KDM3A: variants seen among roughly 807,000 people sequenced by gnomAD.
The protein encoded by KDM3A is lysine-specific demethylase 3A.
A neutral mutation model predicts 158.0 loss-of-function variants in KDM3A; 60 were observed. The observed-to-expected ratio is 0.38, with a 90% CI of 0.31 to 0.47. The LOEUF is 0.47. KDM3A is among the 20% of genes least tolerant of loss of function. KDM3A has a pLI of 0.99. For synonymous variants in KDM3A, 608 were observed against 549.3 expected, an observed-to-expected ratio of 1.11 and a Z score of -1.49; for missense variants, 1,319 against 1,574.3, an observed-to-expected ratio of 0.84 and a Z score of 2.74.
At chr2:86,445,162 C>T (rs1682904365) in intron 2 of KDM3A, among the ~76,000 whole-genome samples, 1 of 152,090 alleles carries the variant, frequency 6.6e-6, no homozygotes, top group South Asian at 2.1e-4. Context: ...TTGCTAGCCT[C>T]TATATCCCTA....
At position 86,478,275 on chromosome 2, in the gene KDM3A, G is replaced by A. The variant is rs765448709; in HGVS notation, c.2188+10G>A. The A allele has an allele frequency of 8.8e-6, 14 of 1,582,224 alleles. No homozygotes were observed. In the East Asian group the frequency reaches 2.9e-4, roughly 33 times the overall value. ...ATCATTCCTGGAAAAGGTATTTCAT[G>A]TGCTGCAGTGATTTTCTTTCCCCTT... On this transcript the variant is annotated intron_variant, in intron 14 of 25. Transcript: ENST00000312912.
At position 86,466,487 on chromosome 2, in the gene KDM3A, A is replaced by G. The variant is rs1184639298; in HGVS notation, c.1123A>G (p.Ile375Val). 1.1e-5 allele frequency: 18 copies of G among 1,613,856 alleles called. No individual in the cohort carries two copies. Among genetic ancestry groups the G allele is most frequent in the Non-Finnish European group, 1.4e-5 (17 of 1,179,866 alleles). ...KAGLLSKSSQ[I>V]GTGDLKILTE... ...AGGGTTGCTCTCAAAGTCCTCTCAGATTGGAACTGGAGACTTGAAAATTCT... is the reference window on the plus strand; with the variant it reads ...AGGGTTGCTCTCAAAGTCCTCTCAGGTTGGAACTGGAGACTTGAAAATTCT... The change falls in exon 10 of 26, where the codon ATT (isoleucine) becomes GTT (valine). Residue 375 changes from isoleucine to valine, a missense_variant. This residue lies in a region of KDM3A where 652 missense variants were observed against 627.2 expected (regional missense o/e 1.04). Transcript: ENST00000312912.
Position 86,481,910 on chromosome 2 carries a change from A to G in KDM3A, c.2513-20A>G, listed in dbSNP as rs1292735649. 1.5e-5 allele frequency: 24 copies of G among 1,587,238 alleles called. No individual in the cohort carries two copies. In the Admixed American group the frequency reaches 4.1e-4, roughly 27 times the overall value. The stretch of plus-strand genomic sequence containing the variant: ...CCTTTCAGAATGTTTTTTCATCTGG[A>G]TGTTTTGGTTTTATTTTAGAAAAAC... On this transcript the variant is annotated intron_variant, in intron 16 of 25. Coordinates refer to ENST00000312912, the MANE Select transcript of KDM3A (RefSeq NM_018433.6).
chr2:86,489,910 T>A (rs560092037), intron 23 of KDM3A: 1 of 357,678 alleles, frequency 2.8e-6, no homozygotes, highest in Non-Finnish European at 5.0e-6. Context: ...ATTTAGAGAT[T>A]TTTGTTCTCT....
At chr2:86,448,067 C>A (rs1447843843) in intron 2 of KDM3A, among the ~76,000 whole-genome samples, 2 of 152,190 alleles carry the variant, frequency 1.3e-5, no homozygotes, top group East Asian at 3.9e-4. Flanking sequence ...AACATATAAC[C>A]AGGGAGAAAC....
At chr2:86,467,740 G>T (rs529763610) in intron 10 of KDM3A, among the ~76,000 whole-genome samples, 3 of 152,282 alleles carry the variant, frequency 2.0e-5, no homozygotes, top group African/African-American at 7.2e-5. Context: ...AATGTTTTAG[G>T]CTGGGCATAG....
At chr2:86,473,471 A>G (rs1673506261) in intron 11 of KDM3A, among the ~76,000 whole-genome samples, 2 of 151,844 alleles carry the variant, frequency 1.3e-5, no homozygotes, top group Admixed American at 6.6e-5. Flanking sequence ...TAGGCTGGGT[A>G]TGGTGGTTCA....
At chr2:86,440,798 A>G (rs994485263), upstream of KDM3A, 5 of 152,266 alleles carry the variant, frequency 3.3e-5, no homozygotes, top group African/African-American at 4.8e-5. Context: ...GAGCCTCCAG[A>G]GCACTATCGC....
intron 2 of KDM3A, among the ~76,000 whole-genome samples, chr2:86,446,194 C>G (rs1332797248): frequency 6.6e-6 from 1 of 152,228 alleles, no homozygotes. Context: ...TAATAAGGTA[C>G]ACATTTGCAA....
chr2:86,457,296 G>A (rs1444321860), intron 8 of KDM3A, among the ~76,000 whole-genome samples: 3 of 151,968 alleles, frequency 2.0e-5, no homozygotes, highest in Non-Finnish European at 4.4e-5. Context: ...CATGACACCT[G>A]GCTAATTTTT....
intron 2 of KDM3A, among the ~76,000 whole-genome samples, 196 bp from the exon 3 acceptor site, chr2:86,449,611 T>C (rs897568143): frequency 6.6e-6 from 1 of 152,130 alleles, no homozygotes; most frequent in African/African-American, 2.4e-5. Context: ...CGAAGTGAGT[T>C]GGGAGCCAAA....
intron 19 of KDM3A, 63 bp downstream of exon 19, chr2:86,484,221 G>C (rs1674075246): frequency 6.9e-7 from 1 of 1,447,960 alleles, no homozygotes; most frequent in African/African-American, 1.4e-5. Flanking sequence ...AGGAATGGCA[G>C]GAGTCTGAGA....
chr2:86,476,431 C>T (rs537792029), intron 12 of KDM3A, among the ~76,000 whole-genome samples: 1 of 152,122 alleles, frequency 6.6e-6, no homozygotes, highest in Non-Finnish European at 1.5e-5. Context: ...ATGGGATTAA[C>T]CTCTCCTCCT....
At chr2:86,484,805 C>G in intron 19 of KDM3A, 137 bp from the exon 20 acceptor site, 1 of 553,192 alleles carries the variant, frequency 1.8e-6, no homozygotes, top group Non-Finnish European at 3.2e-6. Flanking sequence ...TATTTGTATA[C>G]TAAATTTATC....
Position 86,466,421 on chromosome 2 carries a change from A to C in KDM3A, c.1057A>C (p.Lys353Gln). The C allele has an allele frequency of 6.2e-7, 1 of 1,613,578 alleles. No homozygotes were observed. Among genetic ancestry groups the C allele is most frequent in the Non-Finnish European group, 8.5e-7 (1 of 1,179,696 alleles). The change falls in exon 10 of 26, where the codon AAG (lysine) becomes CAG (glutamine). Residue 353 changes from lysine to glutamine, a missense_variant. Physicochemically the swap from Lys to Gln is moderately conservative, Grantham distance 53. Coordinates refer to ENST00000312912, the MANE Select transcript of KDM3A (RefSeq NM_018433.6). ...GGAAATTTCTTCCTGTCTAAATACA[A>C]AGTCTGAAGCTCTGAGAACAAAACC... ...PEEISSCLNT[K>Q]SEALRTKPDV...
chr2:86,489,689 G>A (rs114511398), intron 23 of KDM3A, 30 bp downstream of exon 23: 7 of 1,587,532 alleles, frequency 4.4e-6, no homozygotes, highest in Non-Finnish European at 6.0e-6. Flanking sequence ...TGTGAACAGA[G>A]GCATAAGGAA....
At chr2:86,451,340 C>T (rs2104632752) in intron 4 of KDM3A, 127 bp downstream of exon 4, 5 of 545,100 alleles carry the variant, frequency 9.2e-6, no homozygotes, top group Non-Finnish European at 1.6e-5. Flanking sequence ...CACAGTAAAA[C>T]ATCTACATAT....
chr2:86,467,400 C>G (rs556666839), intron 10 of KDM3A: 1 of 152,876 alleles, frequency 6.5e-6, no homozygotes, highest in African/African-American at 2.4e-5. Context: ...AGAAAAGATG[C>G]AGAATTGTAT....
At chr2:86,444,128 C>T (rs969390698) in intron 2 of KDM3A, among the ~76,000 whole-genome samples, 1 of 152,130 alleles carries the variant, frequency 6.6e-6, no homozygotes, top group African/African-American at 2.4e-5. Context: ...CTCCTCCCTC[C>T]GCCCCCATCC....
Sources: allele counts gnomAD v4.1 joint callset (sites outside exome capture counted in the v4.1 genomes callset), GRCh38; gene constraint gnomAD v4.1.1; regional missense constraint gnomAD v4.1.1; transcripts MANE v1.5; gene names NCBI Gene and HGNC (gene_info 2026-07-23, HGNC 2026-07-21).